Variants in ABCB7 observed in about 807,000 individuals in gnomAD.
ABCB7 encodes iron-sulfur clusters transporter ABCB7, mitochondrial.
Under a neutral mutation model 54.4 loss-of-function variants are expected in ABCB7, and 7 were observed. The ratio of observed to expected loss-of-function variants is 0.13; its 90% CI spans 0.07 to 0.24. The LOEUF (loss-of-function observed/expected upper bound fraction) is 0.24. Ranked by LOEUF, ABCB7 falls within the 10% of genes least tolerant of loss-of-function variation. ABCB7 has a pLI of 1.00. For missense variants in ABCB7, 356 were observed against 570.4 expected (o/e 0.62, Z 3.83); for synonymous variants, 218 against 207.1 (o/e 1.05, Z -0.45).
Position 75,067,750 on chromosome X carries a change from G to A in ABCB7, c.1659+1257C>T, listed in dbSNP as rs567182749. ...TCTGCCTGCCTTGGCCTCCCAAAGT[G>A]CTGGGATTACAGGTGTGAGCCACTG... On this transcript the variant is annotated intron_variant, in intron 12 of 15. Transcript: ENST00000373394. Among the ~76,000 whole-genome samples, 17 of 111,050 alleles carry A rather than the reference G, an allele frequency of 1.5e-4. No individual in the cohort carries two copies. In the South Asian group the frequency reaches 6.6e-3, roughly 43 times the overall value.
At chrX:75,101,154 T>C (rs1273722107) in intron 3 of ABCB7, among the ~76,000 whole-genome samples, 2 of 110,892 alleles carry the variant, frequency 1.8e-5, no homozygotes, top group Non-Finnish European at 3.8e-5. Context: ...TTGTTGTTGT[T>C]GTTGGCTAGC....
intron 1 of ABCB7, among the ~76,000 whole-genome samples, chrX:75,146,198 T>C (rs2082089639): frequency 8.9e-6 from 1 of 111,771 alleles, no homozygotes; most frequent in Admixed American, 9.5e-5. Context: ...TTCATGCTCA[T>C]GGATAGGAAG....
chrX:75,123,365 C>T (rs984424136), intron 1 of ABCB7, among the ~76,000 whole-genome samples: 4 of 111,598 alleles, frequency 3.6e-5, no homozygotes, highest in African/African-American at 1.3e-4. Flanking sequence ...TTTCTGGGCT[C>T]TATATTCTGT....
At chrX:75,081,010 C>T (rs972594002) in intron 4 of ABCB7, among the ~76,000 whole-genome samples, 11 of 111,399 alleles carry the variant, frequency 9.9e-5, no homozygotes, top group African/African-American at 3.6e-4. Context: ...CCAATAGAGG[C>T]CCAAGTAGGA....
intron 3 of ABCB7, among the ~76,000 whole-genome samples, chrX:75,109,384 G>A (rs149999336): frequency 2.9e-3 from 327 of 111,865 alleles, no homozygotes; most frequent in Middle Eastern, 4.6e-3. Flanking sequence ...TTTCTCGCCA[G>A]GAAAGGTCAA....
chrX:75,072,911 G>A (rs1330312175), intron 8 of ABCB7, among the ~76,000 whole-genome samples: 1 of 109,277 alleles, frequency 9.2e-6, no homozygotes, highest in African/African-American at 3.3e-5. Flanking sequence ...TATTCTATAG[G>A]CTATTTTCTA....
At chrX:75,075,222 T>C (rs2147470306) in intron 6 of ABCB7, 140 bp downstream of exon 6, 2 of 672,270 alleles carry the variant, frequency 3.0e-6, no homozygotes, top group South Asian at 5.7e-5. Context: ...GGCAAAATAA[T>C]TAAACTGCAT....
chrX:75,072,098 C>G (rs998196900), intron 8 of ABCB7, among the ~76,000 whole-genome samples: 20 of 111,221 alleles, frequency 1.8e-4, no homozygotes, highest in African/African-American at 6.2e-4. Flanking sequence ...AGAAAGTAAT[C>G]TTTTTTTACC....
intron 6 of ABCB7, 58 bp downstream of exon 6, chrX:75,075,304 C>A (rs2081398877): frequency 1.7e-6 from 2 of 1,159,839 alleles, no homozygotes; most frequent in Non-Finnish European, 2.3e-6. Flanking sequence ...TTCAAATATT[C>A]AATTGCTACT....
At chrX:75,089,554 G>A (rs1166636646) in intron 4 of ABCB7, among the ~76,000 whole-genome samples, 3 of 109,639 alleles carry the variant, frequency 2.7e-5, no homozygotes, top group Non-Finnish European at 5.7e-5. Context: ...AAGTATAATC[G>A]GAATGTTAAA....
At chrX:75,106,872 A>G (rs2081707395) in intron 3 of ABCB7, among the ~76,000 whole-genome samples, 1 of 111,017 alleles carries the variant, frequency 9.0e-6, no homozygotes, top group African/African-American at 3.3e-5. Flanking sequence ...CAATTTAACA[A>G]CTATCTACAC....
intron 13 of ABCB7, among the ~76,000 whole-genome samples, chrX:75,063,777 A>C (rs143772993): frequency 0.029 from 3,224 of 112,193 alleles, 115 homozygotes; most frequent in African/African-American, 0.1. Flanking sequence ...AGCATAGATG[A>C]TAAATAATAA....
chrX:75,116,269 C>T (rs1756040474), intron 1 of ABCB7, among the ~76,000 whole-genome samples: 1 of 111,203 alleles, frequency 9.0e-6, no homozygotes, highest in Non-Finnish European at 1.9e-5. Flanking sequence ...TCAGGCAGGG[C>T]TTAACTCTTT....
chrX:75,062,645 A>T (rs952580942), intron 13 of ABCB7: 22 of 396,187 alleles, frequency 5.6e-5, no homozygotes, highest in African/African-American at 5.3e-4. Context: ...CTGAATTCTG[A>T]CTTCATAGCA....
intron 1 of ABCB7, among the ~76,000 whole-genome samples, chrX:75,123,837 T>C (rs1019764047): frequency 1.8e-5 from 2 of 111,620 alleles, no homozygotes; most frequent in Admixed American, 9.6e-5. Flanking sequence ...TTTACAGGCA[T>C]ATCGTTTCTG....
chrX:75,052,224 T>C lies in ABCB7; in HGVS notation c.*1146A>G, dbSNP rs895434204. 4 of 110,897 alleles carry C rather than the reference T, an allele frequency of 3.6e-5. No homozygotes were observed. The highest frequency in any genetic ancestry group is 3.8e-5 in the Non-Finnish European group (2 of 53,005). The allele number at this position is 110,897 out of a possible 1,213,427, so 9.1% of individuals were successfully genotyped here. On this transcript the variant is annotated 3_prime_UTR_variant, in exon 16 of 16. Transcript: ENST00000373394. ...GCTCAAGCCTGTAATCCCAGCACTT[T>C]GGGAGGCCGAGGCGGGCAGATCACG...
chrX:75,120,353 G>GT (rs1824722808), intron 1 of ABCB7, among the ~76,000 whole-genome samples: 1 of 111,965 alleles, frequency 8.9e-6, no homozygotes, highest in Non-Finnish European at 1.9e-5. Flanking sequence ...GCTCACGCCT[G>GT]TAATCCCAGC....
chrX:75,105,405 C>T (rs1478857615), intron 3 of ABCB7, among the ~76,000 whole-genome samples: 1 of 111,071 alleles, frequency 9.0e-6, no homozygotes, highest in Non-Finnish European at 1.9e-5. Context: ...AGCTCAATCT[C>T]ATTTACAATA....
At position 75,134,567 on chromosome X, in the gene ABCB7, T is replaced by C. The variant is rs935820332; in HGVS notation, c.169-19736A>G. 2.7e-5 allele frequency among the ~76,000 whole-genome samples: 3 copies of C among 112,280 alleles called. No individual in the cohort carries two copies. In the Admixed American group the frequency reaches 2.8e-4, roughly 11 times the overall value. On this transcript the variant is annotated intron_variant, in intron 1 of 15. Transcript: ENST00000373394. ...GGCACATACTCTAAAATAGACCATA[T>C]GCTTTACCATAAAGCAATTCTCAAC...
Sources: allele counts gnomAD v4.1 joint callset (sites outside exome capture counted in the v4.1 genomes callset), GRCh38; gene constraint gnomAD v4.1.1; transcripts MANE v1.5; gene names NCBI Gene and HGNC (gene_info 2026-07-23, HGNC 2026-07-21).